DNAH7: variants seen among roughly 807,000 people sequenced by gnomAD.
The protein encoded by DNAH7 is axonemal beta dynein heavy chain 7.
Under a neutral mutation model 444.6 loss-of-function variants are expected in DNAH7, and 397 were observed. The observed-to-expected ratio is 0.89, with a 90% confidence interval of 0.82 to 0.97. The LOEUF is 0.97. Among genes scored for constraint, DNAH7 ranks in the 50% least tolerant of loss-of-function variants. The pLI is 0.00. For missense variants in DNAH7, 4,902 were observed against 4,800.8 expected (o/e 1.02, Z -0.62); for synonymous variants, 1,636 against 1,624.4 (o/e 1.01, Z -0.17).
At chr2:195,933,960 G>A (rs1193417181) in intron 21 of DNAH7, among the ~76,000 whole-genome samples, 1 of 151,736 alleles carries the variant, frequency 6.6e-6, no homozygotes, top group Non-Finnish European at 1.5e-5. Context: ...CTGTTCCTTT[G>A]CTCCATCATG....
intron 61 of DNAH7, among the ~76,000 whole-genome samples, chr2:195,769,736 T>C (rs1694748160): frequency 6.6e-6 from 1 of 152,128 alleles, no homozygotes; most frequent in African/African-American, 2.4e-5. Context: ...GGCCTCTCAG[T>C]TTTTCAGCCT....
Position 195,936,698 on chromosome 2 carries a change from T to C in DNAH7, c.3173A>G (p.Asn1058Ser), listed in dbSNP as rs1232241905. 1.0e-5 allele frequency: 16 copies of C among 1,603,894 alleles called. No individual in the cohort carries two copies. The highest frequency in any genetic ancestry group is 1.3e-5 in the African/African-American group (1 of 74,518). The change falls in exon 20 of 65, where the codon AAT becomes AGT. Residue 1058 changes from asparagine (N) to serine (S), a missense_variant. Asn to Ser is a conservative substitution (Grantham distance 46). Coordinates refer to ENST00000312428, the MANE Select transcript of DNAH7 (RefSeq NM_018897.3). The part of the protein sequence containing the change: ...ELLELILKGL[N>S]EYLEKKRLFF... ...GAGGCGTTTCTTTTCCAAATATTCA[T>C]TAAGTCCTTTAAGAATGAGCTCCAA...
chr2:196,048,873 G>T (rs1697295202), intron 3 of DNAH7, among the ~76,000 whole-genome samples: 1 of 152,166 alleles, frequency 6.6e-6, no homozygotes, highest in African/African-American at 2.4e-5. Flanking sequence ...ATTTTGGCAG[G>T]TGTCATAAAA....
At chr2:195,956,081 C>T (rs1448362516) in intron 19 of DNAH7, among the ~76,000 whole-genome samples, 1 of 152,070 alleles carries the variant, frequency 6.6e-6, no homozygotes, top group Non-Finnish European at 1.5e-5. Flanking sequence ...GTCCATCTTT[C>T]TGAATATTTT....
chr2:196,027,014 C>A (rs1695732129), intron 6 of DNAH7, 74 bp from the exon 7 acceptor site: 3 of 1,214,448 alleles, frequency 2.5e-6, no homozygotes, highest in Non-Finnish European at 3.4e-6. Flanking sequence ...AACTACCAAG[C>A]AAAATTCAAG....
At chr2:195,915,985 T>C (rs1463814070) in intron 24 of DNAH7, among the ~76,000 whole-genome samples, 1 of 152,196 alleles carries the variant, frequency 6.6e-6, no homozygotes, top group African/African-American at 2.4e-5. Flanking sequence ...AAAATGTAGA[T>C]TCCAAATTCC....
chr2:196,061,923 C>G (rs1199743910), intron 1 of DNAH7, among the ~76,000 whole-genome samples: 7 of 152,152 alleles, frequency 4.6e-5, no homozygotes, highest in African/African-American at 1.7e-4. Flanking sequence ...AGAGCTTCTA[C>G]TCTTGGTCAT....
chr2:195,909,989 G>A, intron 25 of DNAH7, 38 bp downstream of exon 25: 1 of 1,571,040 alleles, frequency 6.4e-7, no homozygotes, highest in Non-Finnish European at 8.7e-7. Context: ...TCTCTGATCA[G>A]TTATCCTGTT....
At chr2:195,738,535 G>A (rs1404405686) in intron 64 of DNAH7, among the ~76,000 whole-genome samples, 1 of 152,092 alleles carries the variant, frequency 6.6e-6, no homozygotes, top group Admixed American at 6.6e-5. Flanking sequence ...ATCAACAGCT[G>A]TATAGCTAGA....
intron 3 of DNAH7, among the ~76,000 whole-genome samples, chr2:196,050,334 G>A (rs2125859681): frequency 6.6e-6 from 1 of 152,204 alleles, no homozygotes; most frequent in South Asian, 2.1e-4. Context: ...TTTGCCAGGA[G>A]GTGGGGGAGG....
chr2:196,018,794 A>C (rs1695185608), intron 9 of DNAH7, among the ~76,000 whole-genome samples: 1 of 152,118 alleles, frequency 6.6e-6, no homozygotes, highest in South Asian at 2.1e-4. Flanking sequence ...CTTTAATTGT[A>C]CATTTTAAAA....
In DNAH7 at chr2:195,775,249, G is replaced by A. The variant is rs566525485; in HGVS notation, c.11202+597C>T. On this transcript the variant is annotated intron_variant, in intron 60 of 64. Transcript: ENST00000312428. ...AGATTGCTTTCCCACACCCCAGTGC[G>A]CTTATGCACTCTCCAGGAGAGCTGC... Among the ~76,000 whole-genome samples, 56 of 152,244 alleles carry A rather than the reference G, an allele frequency of 3.7e-4. No individual in the cohort carries two copies. The South Asian group carries it at 4.6e-3, about 12-fold the overall frequency.
chr2:195,756,865 G>A (rs1392761286), intron 61 of DNAH7, among the ~76,000 whole-genome samples: 1 of 151,918 alleles, frequency 6.6e-6, no homozygotes, highest in Non-Finnish European at 1.5e-5. Context: ...GGTGGTGCAC[G>A]CCTGTAGTCC....
intron 63 of DNAH7, among the ~76,000 whole-genome samples, chr2:195,748,624 G>T (rs1430300498): frequency 6.6e-6 from 1 of 152,154 alleles, no homozygotes; most frequent in East Asian, 1.9e-4. Flanking sequence ...CATGGTACTG[G>T]TACCAAAACA....
At position 195,960,441 on chromosome 2, in the gene DNAH7, C is replaced by T; in HGVS notation, c.2710G>A (p.Ala904Thr). The T allele has an allele frequency of 1.2e-6, 2 of 1,614,204 alleles. No homozygotes were observed. Among genetic ancestry groups the T allele is most frequent in the Non-Finnish European group, 1.7e-6 (2 of 1,180,024 alleles). The change falls in exon 18 of 65, where the codon GCG becomes ACG. Residue 904 changes from alanine (A) to threonine (T), a missense_variant. By Grantham distance (58) the Ala-to-Thr change is moderately conservative. Coordinates refer to ENST00000312428, the MANE Select transcript of DNAH7 (RefSeq NM_018897.3). ...CACTCAGTAATCATCTTCTCCATCG[C>T]CTTTTCAAGAGAATATTCTTTGCTA... ...AASKEYSLEK[A>T]MEKMITEWDA...
At position 196,068,736 on chromosome 2, in the gene DNAH7, C is replaced by T. The variant is rs1421149706; in HGVS notation, c.-25G>A. The T allele has an allele frequency of 3.9e-6, 6 of 1,550,830 alleles. No individual in the cohort carries two copies. The South Asian group carries it at 7.1e-5, about 18-fold the overall frequency. ...TGGCTGCGAGGACGCGCTGGCCTCA[C>T]CGGTGCTTCTGGGTTGCTCCTGCCC... On this transcript the variant is annotated 5_prime_UTR_variant, in exon 1 of 65. In the 5' UTR this introduces an upstream ATG that the reference lacks. Coordinates refer to ENST00000312428, the MANE Select transcript of DNAH7 (RefSeq NM_018897.3).
intron 47 of DNAH7, among the ~76,000 whole-genome samples, 194 bp downstream of exon 47, chr2:195,844,808 T>C (rs1244077607): frequency 6.6e-6 from 1 of 152,170 alleles, no homozygotes. Context: ...GGTTCATTTG[T>C]TTACTACAGT....
chr2:195,797,143 A>G lies in DNAH7; in HGVS notation c.10354-406T>C, dbSNP rs527867697. Among the ~76,000 whole-genome samples, 13 of 152,380 alleles carry G rather than the reference A, an allele frequency of 8.5e-5. No individual in the cohort carries two copies. In the South Asian group the frequency reaches 1.9e-3, roughly 22 times the overall value. On this transcript the variant is annotated intron_variant, in intron 55 of 64. Coordinates refer to ENST00000312428, the MANE Select transcript of DNAH7 (RefSeq NM_018897.3). Reference sequence around the variant, plus strand: ...TGTCCTGTTTCCTCCATATCTTTGAATAACTATATTTTAGTTACTTTGGCT... The same window carrying G: ...TGTCCTGTTTCCTCCATATCTTTGAGTAACTATATTTTAGTTACTTTGGCT...
chr2:196,066,960 T>C (rs1423228514), intron 1 of DNAH7, among the ~76,000 whole-genome samples: 3 of 152,146 alleles, frequency 2.0e-5, no homozygotes, highest in Non-Finnish European at 4.4e-5. Context: ...AAATTACAAA[T>C]CAACCAAAAC....
Sources: gnomAD v4.1 joint callset for allele counts (sites outside exome capture counted in the v4.1 genomes callset) on GRCh38, gnomAD v4.1.1 for gene constraint, MANE v1.5 for transcripts, NCBI Gene and HGNC (gene_info 2026-07-23, HGNC 2026-07-21) for gene names.